Variants in NR4A3 observed in about 807,000 individuals in gnomAD.
NR4A3 encodes the protein chondrosarcoma, extraskeletal myxoid, fused to EWS.
Under a neutral mutation model 55.6 loss-of-function variants are expected in NR4A3, and 13 were observed. The observed-to-expected ratio is 0.23, with a 90% CI of 0.15 to 0.37. The LOEUF (loss-of-function observed/expected upper bound fraction) is 0.37. Ranked by LOEUF, NR4A3 falls within the 10% of genes least tolerant of loss-of-function variation. NR4A3 has a pLI of 1.00. For missense variants in NR4A3, 646 were observed against 822.8 expected (o/e 0.79, Z 2.63); for synonymous variants, 342 against 357.9 (o/e 0.96, Z 0.50).
Position 99,833,388 on chromosome 9 carries a change from C to G in NR4A3, c.1188C>G (p.Ile396Met). 1 of 1,614,162 alleles carries G rather than the reference C, an allele frequency of 6.2e-7. No individual in the cohort carries two copies. The highest frequency in any genetic ancestry group is 8.5e-7 in the Non-Finnish European group (1 of 1,179,992). Residue 396 changes from isoleucine (I) to methionine (M), a missense_variant, in exon 5 of 8, where the codon ATC becomes ATG. Physicochemically the swap from Ile to Met is conservative, Grantham distance 10 (BLOSUM62 1). Transcript: ENST00000395097. ...AGCCCTCTCCACCTTCTCCTCCAATCTGCATGATGAATGCCCTTGTCCGAG... is the reference window on the plus strand; with the variant it reads ...AGCCCTCTCCACCTTCTCCTCCAATGTGCATGATGAATGCCCTTGTCCGAG... Reference protein sequence around the residue: ...PSQPSPPSPPICMMNALVRAL... With the variant: ...PSQPSPPSPPMCMMNALVRAL...
chr9:99,859,433 A>G (rs1827975497), intron 7 of NR4A3, among the ~76,000 whole-genome samples: 1 of 152,232 alleles, frequency 6.6e-6, no homozygotes, highest in African/African-American at 2.4e-5. Flanking sequence ...TGCTGGCAGT[A>G]GTTTGCATGG....
Position 99,828,418 on chromosome 9 carries a change from G to C in NR4A3, c.376G>C (p.Glu126Gln), listed in dbSNP as rs773300672. The change falls in exon 3 of 8, where the codon GAG becomes CAG. Residue 126 changes from glutamate (E) to glutamine (Q), a missense_variant. Glu to Gln is a conservative substitution (Grantham distance 29). Transcript: ENST00000395097. The surrounding 1 kb of genome is among the most constrained non-coding windows in gnomAD (Gnocchi z 7.7). Reference protein sequence around the residue: ...SIPPASSPEDEVLPSTSMYFK... With the variant: ...SIPPASSPEDQVLPSTSMYFK... ...TCCTCCAGCCTCCAGCCCGGAGGAC[G>C]AGGTGCTGCCCAGCACCTCCATGTA... 1 of 1,585,050 alleles carries C rather than the reference G, an allele frequency of 6.3e-7. No individual in the cohort carries two copies. Among genetic ancestry groups the C allele is most frequent in the South Asian group, 1.2e-5 (1 of 84,860 alleles).
intron 7 of NR4A3, among the ~76,000 whole-genome samples, chr9:99,860,014 A>G (rs1827983582): frequency 6.6e-6 from 1 of 152,208 alleles, no homozygotes; most frequent in Admixed American, 6.5e-5. Context: ...GACGAAATCC[A>G]TCTCGTTCTA....
Position 99,863,976 on chromosome 9 carries a change from A to C in NR4A3, c.*109A>C. 1 of 1,288,632 alleles carries C rather than the reference A, an allele frequency of 7.8e-7. No individual in the cohort carries two copies. The highest frequency in any genetic ancestry group is 1.1e-6 in the Non-Finnish European group (1 of 938,588). The allele number at this position is 1,288,632 out of a possible 1,614,324, so 79.8% of individuals were successfully genotyped here. ...TTTCCTGTCCTTCCTTAAGAGGAAAAGCAGCTCCTGTAGAAAGCAAAGACT... is the reference window on the plus strand; with the variant it reads ...TTTCCTGTCCTTCCTTAAGAGGAAACGCAGCTCCTGTAGAAAGCAAAGACT... On this transcript the variant is annotated 3_prime_UTR_variant, in exon 8 of 8. Transcript: ENST00000395097.
In NR4A3 at chr9:99,866,412, T is replaced by C. The variant is rs1246420422; in HGVS notation, c.*2545T>C. 4.5e-6 allele frequency: 1 copy of C among 224,322 alleles called. No individual in the cohort carries two copies. Among genetic ancestry groups the C allele is most frequent in the Non-Finnish European group, 8.9e-6 (1 of 112,156 alleles). The allele number at this position is 224,322 out of a possible 1,614,324, so 13.9% of individuals were successfully genotyped here. On this transcript the variant is annotated 3_prime_UTR_variant, in exon 8 of 8. Coordinates refer to ENST00000395097, the MANE Select transcript of NR4A3 (RefSeq NM_006981.4). ...TAAGGAAAAGACTTTTTAGCCATTA[T>C]AATCTAGTGGTTGGAAGGAATGAAG... is the stretch of plus-strand genomic sequence containing the variant.
intron 7 of NR4A3, among the ~76,000 whole-genome samples, chr9:99,850,685 G>A (rs1009883920): frequency 3.3e-5 from 5 of 152,086 alleles, no homozygotes; most frequent in Admixed American, 2.6e-4. Context: ...GCGCTATTGG[G>A]GAACACATTT....
intron 4 of NR4A3, among the ~76,000 whole-genome samples, chr9:99,833,023 A>C (rs546275298): frequency 6.6e-6 from 1 of 152,306 alleles, no homozygotes; most frequent in Non-Finnish European, 1.5e-5. Flanking sequence ...ACTTGTATAC[A>C]TACATCTTTG....
intron 7 of NR4A3, among the ~76,000 whole-genome samples, chr9:99,863,255 C>T (rs954101327): frequency 2.0e-5 from 3 of 152,158 alleles, no homozygotes; most frequent in Non-Finnish European, 4.4e-5. Context: ...TAATAACCAC[C>T]CTGCCATTCA....
At chr9:99,852,120 G>C (rs1370002172) in intron 7 of NR4A3, among the ~76,000 whole-genome samples, 3 of 152,176 alleles carry the variant, frequency 2.0e-5, no homozygotes, top group Non-Finnish European at 2.9e-5. Flanking sequence ...TTGAGGTGAA[G>C]GAAGGTAGAA....
intron 5 of NR4A3, among the ~76,000 whole-genome samples, chr9:99,836,134 A>C (rs1827556137): frequency 6.6e-6 from 1 of 152,216 alleles, no homozygotes; most frequent in Admixed American, 6.5e-5. Flanking sequence ...TCACATTTGC[A>C]AATGACAGAA....
At chr9:99,842,912 C>T (rs1335791849) in intron 5 of NR4A3, among the ~76,000 whole-genome samples, 1 of 152,208 alleles carries the variant, frequency 6.6e-6, no homozygotes, top group African/African-American at 2.4e-5. Flanking sequence ...AGATTAAAAT[C>T]CCTACCCATG....
At chr9:99,841,155 C>T (rs773780158) in intron 5 of NR4A3, among the ~76,000 whole-genome samples, 23 of 149,986 alleles carry the variant, frequency 1.5e-4, no homozygotes, top group African/African-American at 3.4e-4. Context: ...CGCTTGAACC[C>T]GGGAGGCAGA....
rs1827360472 is a variant in NR4A3, at chr9:99,828,483, C to G, written c.441C>G (p.Ala147=). The G allele has an allele frequency of 6.3e-7, 1 of 1,578,570 alleles. No homozygotes were observed. Among genetic ancestry groups the G allele is most frequent in the Admixed American group, 1.8e-5 (1 of 54,890 alleles). The change falls in exon 3 of 8, where the codon GCC becomes GCG. Residue 147 remains alanine (A), a synonymous_variant. Transcript: ENST00000395097. The surrounding 1 kb of genome is among the most constrained non-coding windows in gnomAD (Gnocchi z 7.7). ...QSPPSTPTTP[A]FPPQAGALWD... The stretch of plus-strand genomic sequence containing the variant: ...CACCGTCCACCCCCACCACGCCGGC[C>G]TTCCCCCCGCAGGCGGGGGCGTTAT...
chr9:99,859,431 G>A (rs1827975446), intron 7 of NR4A3, among the ~76,000 whole-genome samples: 2 of 152,240 alleles, frequency 1.3e-5, no homozygotes, highest in South Asian at 4.1e-4. Context: ...GCTGCTGGCA[G>A]TAGTTTGCAT....
intron 3 of NR4A3, among the ~76,000 whole-genome samples, chr9:99,831,172 T>C (rs1827433350): frequency 6.6e-6 from 1 of 152,204 alleles, no homozygotes; most frequent in Non-Finnish European, 1.5e-5. Flanking sequence ...TTCAGGTTAT[T>C]GGGAAAATGT....
rs377017954 is a variant in NR4A3 at position 99,863,586 on chromosome 9, C to G, written c.1634-34C>G. Reference sequence around the variant, plus strand: ...AAAGTGTCTTAAGATGTATTTGCCTCCTAAACTTCTTGCCCTTCTCTATCC... The same window carrying G: ...AAAGTGTCTTAAGATGTATTTGCCTGCTAAACTTCTTGCCCTTCTCTATCC... On this transcript the variant is annotated intron_variant, in intron 7 of 7. Transcript: ENST00000395097. 1.1e-5 allele frequency: 18 copies of G among 1,597,338 alleles called. No individual in the cohort carries two copies. The African/African-American group carries it at 2.4e-4, about 22-fold the overall frequency.
At chr9:99,856,468 C>T (rs762286124) in intron 7 of NR4A3, among the ~76,000 whole-genome samples, 2 of 152,126 alleles carry the variant, frequency 1.3e-5, no homozygotes, top group African/African-American at 2.4e-5. Context: ...GCTTGCCTGC[C>T]GCTCACCTCC....
intron 1 of NR4A3, among the ~76,000 whole-genome samples, chr9:99,823,913 T>G (rs905260600): frequency 6.6e-6 from 1 of 152,060 alleles, no homozygotes; most frequent in African/African-American, 2.4e-5. Flanking sequence ...TCCCCAGGGT[T>G]GGAAACTCCG....
intron 2 of NR4A3, among the ~76,000 whole-genome samples, chr9:99,827,570 G>A (rs1221603173): frequency 6.6e-6 from 1 of 152,220 alleles, no homozygotes; most frequent in Admixed American, 6.5e-5. Context: ...TCACAGGGTA[G>A]TTTTTCTTGC....
Sources: allele counts gnomAD v4.1 joint callset (sites outside exome capture counted in the v4.1 genomes callset), GRCh38; gene constraint gnomAD v4.1.1; non-coding constraint Gnocchi (gnomAD v3.1); transcripts MANE v1.5; gene names NCBI Gene and HGNC (gene_info 2026-07-23, HGNC 2026-07-21).